The following PELI2 variants were observed in gnomAD, a reference collection of about 807,000 sequenced individuals.
PELI2 encodes the protein pellino E3 ubiquitin protein ligase family member 2, also known as E3 ubiquitin-protein ligase pellino homolog 2.
PELI2 carries 23 observed loss-of-function variants against 42.3 expected under a neutral mutation model. That is an observed-to-expected ratio of 0.54 (90% CI 0.39 to 0.77). PELI2 has a LOEUF of 0.77. PELI2 is among the 30% of genes least tolerant of loss of function. The pLI is 0.00. For missense variants in PELI2, 463 were observed against 553.2 expected, an observed-to-expected ratio of 0.84 and a Z score of 1.64; for synonymous variants, 245 against 212.2, an observed-to-expected ratio of 1.15 and a Z score of -1.34.
At chr14:56,142,103 C>G (rs1461295961) in intron 1 of PELI2, among the ~76,000 whole-genome samples, 2 of 152,164 alleles carry the variant, frequency 1.3e-5, no homozygotes, top group African/African-American at 4.8e-5. Context: ...CTCATAACTT[C>G]AGATAGCGAC....
intron 5 of PELI2, chr14:56,292,864 A>G (rs771334902): frequency 5.4e-6 from 5 of 918,076 alleles, no homozygotes; most frequent in Non-Finnish European, 6.5e-6. Flanking sequence ...TAATGATAAC[A>G]TATGGTAACA....
intron 1 of PELI2, among the ~76,000 whole-genome samples, chr14:56,172,312 G>T (rs1210434032): frequency 6.6e-6 from 1 of 152,208 alleles, no homozygotes; most frequent in African/African-American, 2.4e-5. Flanking sequence ...GGACCGCTGA[G>T]CAGAGTGCCT....
intron 2 of PELI2, among the ~76,000 whole-genome samples, chr14:56,225,683 T>G (rs1887326541): frequency 6.6e-6 from 1 of 152,118 alleles, no homozygotes; most frequent in Non-Finnish European, 1.5e-5. Flanking sequence ...GGTGCCCACT[T>G]TGGTACTTCT....
At chr14:56,206,280 G>T (rs906803515) in intron 2 of PELI2, among the ~76,000 whole-genome samples, 2 of 152,160 alleles carry the variant, frequency 1.3e-5, no homozygotes, top group Admixed American at 1.3e-4. Context: ...AAACACAAAA[G>T]TTGTATTAGA....
chr14:56,206,011 T>C (rs531451817), intron 2 of PELI2, among the ~76,000 whole-genome samples: 6 of 152,214 alleles, frequency 3.9e-5, no homozygotes, highest in Admixed American at 2.6e-4. Flanking sequence ...ACCTACCAAA[T>C]AGCAGTTAGC....
intron 2 of PELI2, among the ~76,000 whole-genome samples, chr14:56,206,933 A>G (rs72714391): frequency 0.011 from 1,674 of 152,330 alleles, 14 homozygotes; most frequent in Non-Finnish European, 0.016. Context: ...TCCTGAAAGC[A>G]TGTTGGCTAT....
chr14:56,158,276 C>T (rs1884638491), intron 1 of PELI2, among the ~76,000 whole-genome samples: 1 of 152,052 alleles, frequency 6.6e-6, no homozygotes, highest in Non-Finnish European at 1.5e-5. Context: ...GATTTGCCTG[C>T]CTCAGCCTCC....
intron 2 of PELI2, among the ~76,000 whole-genome samples, chr14:56,188,574 C>T (rs894603074): frequency 6.6e-6 from 1 of 152,150 alleles, no homozygotes; most frequent in Non-Finnish European, 1.5e-5. Context: ...TTTAACCCTT[C>T]TATTGTCGTT....
At chr14:56,158,161 G>A (rs969006778) in intron 1 of PELI2, among the ~76,000 whole-genome samples, 22 of 152,096 alleles carry the variant, frequency 1.4e-4, no homozygotes, top group Admixed American at 1.2e-3. Flanking sequence ...CTTCCAAGTA[G>A]GGATTATAGA....
At chr14:56,292,601 C>T (rs1269492133) in intron 5 of PELI2, 1 of 162,800 alleles carries the variant, frequency 6.1e-6, no homozygotes, top group Non-Finnish European at 1.3e-5. Context: ...ATAGTAGTCA[C>T]ATTGTGGAGC....
chr14:56,271,341 CCAAA>C (rs760913181), intron 2 of PELI2, among the ~76,000 whole-genome samples: 3 of 152,302 alleles, frequency 2.0e-5, no homozygotes, highest in Non-Finnish European at 2.9e-5. Context: ...AGACCTACCC[CCAAA>C]CAGTTTTATT....
chr14:56,218,982 T>C (rs1887020952), intron 2 of PELI2, among the ~76,000 whole-genome samples: 1 of 152,192 alleles, frequency 6.6e-6, no homozygotes, highest in Non-Finnish European at 1.5e-5. Context: ...CTCGCACTGC[T>C]TTTACCTGGA....
intron 2 of PELI2, among the ~76,000 whole-genome samples, chr14:56,198,279 A>G (rs115356049): frequency 0.012 from 1,882 of 152,240 alleles, 30 homozygotes; most frequent in African/African-American, 0.039. Flanking sequence ...TGAGGGCACA[A>G]ATTGGATACA....
chr14:56,234,207 T>C (rs1594667854), intron 2 of PELI2, among the ~76,000 whole-genome samples: 2 of 152,156 alleles, frequency 1.3e-5, no homozygotes, highest in East Asian at 3.9e-4. Flanking sequence ...TCCTCAAGGA[T>C]CTAGAACTAG....
chr14:56,120,375 A>C (rs915512023), intron 1 of PELI2, among the ~76,000 whole-genome samples: 1 of 152,220 alleles, frequency 6.6e-6, no homozygotes, highest in African/African-American at 2.4e-5. Context: ...GAGATGTTTC[A>C]GAAAAGCAGC....
intron 2 of PELI2, among the ~76,000 whole-genome samples, chr14:56,231,714 C>G (rs1274955376): frequency 6.6e-6 from 1 of 152,100 alleles, no homozygotes; most frequent in African/African-American, 2.4e-5. Flanking sequence ...GAAGCAAAAG[C>G]AAACACATTC....
At chr14:56,251,650 T>C (rs755029319) in intron 2 of PELI2, among the ~76,000 whole-genome samples, 1 of 152,198 alleles carries the variant, frequency 6.6e-6, no homozygotes, top group African/African-American at 2.4e-5. Flanking sequence ...AGTCTCGTCA[T>C]ACCCTGCAGC....
chr14:56,207,256 C>G (rs1816530358), intron 2 of PELI2, among the ~76,000 whole-genome samples: 1 of 152,080 alleles, frequency 6.6e-6, no homozygotes, highest in Admixed American at 6.6e-5. Flanking sequence ...CTTAATGTTC[C>G]TGTCATTGTC....
At chr14:56,293,758 C>T (rs1235969507) in intron 5 of PELI2, among the ~76,000 whole-genome samples, 1 of 152,164 alleles carries the variant, frequency 6.6e-6, no homozygotes, top group Non-Finnish European at 1.5e-5. Flanking sequence ...GGACACCTAC[C>T]CCAGATGTGG....
Sources: allele counts gnomAD v4.1 joint callset (sites outside exome capture counted in the v4.1 genomes callset), GRCh38; gene constraint gnomAD v4.1.1; transcripts MANE v1.5; gene names NCBI Gene and HGNC (gene_info 2026-07-23, HGNC 2026-07-21).